Variants in CDYL2 observed in about 807,000 individuals in gnomAD.
The protein encoded by CDYL2 is chromodomain Y-like protein 2.
In CDYL2, 23 loss-of-function variants were observed where a neutral mutation model predicts 49.4. The observed-to-expected ratio is 0.47, with a 90% confidence interval of 0.34 to 0.66. The LOEUF is 0.66. CDYL2 is among the 30% of genes least tolerant of loss of function. The pLI is 0.01. For missense variants in CDYL2, 678 were observed against 656.4 expected, an observed-to-expected ratio of 1.03 and a Z score of -0.36; for synonymous variants, 360 against 268.8, an observed-to-expected ratio of 1.34 and a Z score of -3.32.
At chr16:80,673,655 C>T (rs1909623675) in intron 2 of CDYL2, among the ~76,000 whole-genome samples, 1 of 152,194 alleles carries the variant, frequency 6.6e-6, no homozygotes, top group African/African-American at 2.4e-5. Context: ...TATGCATACC[C>T]TTTCTTCCCC....
intron 1 of CDYL2, 142 bp from the exon 2 acceptor site, chr16:80,685,271 G>A (rs1910145425): frequency 1.5e-6 from 1 of 646,838 alleles, no homozygotes; most frequent in Admixed American, 2.9e-5. Context: ...TTCAATGCCA[G>A]AAGCCAACAC....
intron 1 of CDYL2, among the ~76,000 whole-genome samples, chr16:80,688,273 A>G (rs993351763): frequency 1.3e-5 from 2 of 152,326 alleles, no homozygotes; most frequent in East Asian, 1.9e-4. Flanking sequence ...CCCAATACCA[A>G]TGATGAGCAG....
At chr16:80,648,206 A>G (rs1908434393) in intron 2 of CDYL2, among the ~76,000 whole-genome samples, 1 of 152,266 alleles carries the variant, frequency 6.6e-6, no homozygotes, top group East Asian at 1.9e-4. Context: ...ACAAAAGATG[A>G]ATGAATCAAA....
intron 1 of CDYL2, among the ~76,000 whole-genome samples, chr16:80,706,524 G>A (rs935009665): frequency 1.3e-5 from 2 of 152,192 alleles, no homozygotes; most frequent in African/African-American, 4.8e-5. Context: ...GATCAAATAA[G>A]TTAATGTTTG....
intron 2 of CDYL2, among the ~76,000 whole-genome samples, chr16:80,645,834 A>G (rs958988612): frequency 4.0e-5 from 6 of 151,854 alleles, no homozygotes; most frequent in African/African-American, 1.5e-4. Context: ...TGTCCTTTGT[A>G]GGGACATGGA....
chr16:80,768,776 C>T (rs963265601), intron 1 of CDYL2, among the ~76,000 whole-genome samples: 2 of 152,186 alleles, frequency 1.3e-5, no homozygotes, highest in Non-Finnish European at 2.9e-5. Flanking sequence ...GATCCTGCCT[C>T]CTCCATGCTG....
At chr16:80,710,120 G>A (rs1025427558) in intron 1 of CDYL2, among the ~76,000 whole-genome samples, 3 of 151,982 alleles carry the variant, frequency 2.0e-5, no homozygotes, top group Non-Finnish European at 4.4e-5. Context: ...TACAGACGGG[G>A]ATTTCGCCAT....
chr16:80,642,430 G>A lies in CDYL2; in HGVS notation c.617-9194C>T, dbSNP rs981217133. On this transcript the variant is annotated intron_variant, in intron 2 of 6. Transcript: ENST00000570137. ...GCAGTCTAGCCTGGGTTAACGGAGC[G>A]AGACTCCATCTAAAAAAAATTATAT... Among the ~76,000 whole-genome samples, 7 of 152,214 alleles carry A rather than the reference G, an allele frequency of 4.6e-5. No individual in the cohort carries two copies. The East Asian group carries it at 5.8e-4, about 13-fold the overall frequency.
At chr16:80,661,480 A>C (rs1251735207) in intron 2 of CDYL2, among the ~76,000 whole-genome samples, 1 of 152,002 alleles carries the variant, frequency 6.6e-6, no homozygotes, top group Non-Finnish European at 1.5e-5. Context: ...CCTCATCACG[A>C]CCCTGTAGGA....
At chr16:80,663,576 T>C (rs973351483) in intron 2 of CDYL2, among the ~76,000 whole-genome samples, 4 of 152,152 alleles carry the variant, frequency 2.6e-5, no homozygotes, top group Non-Finnish European at 4.4e-5. Context: ...CTTATGATGT[T>C]CACTGTCAGA....
chr16:80,708,205 C>G lies in CDYL2; in HGVS notation c.25-23076G>C, dbSNP rs9940171. Among the ~76,000 whole-genome samples the G allele has an allele frequency of 5.5e-3, 832 of 152,204 alleles. 6 individuals carry two copies. The highest frequency in any genetic ancestry group is 0.019 in the African/African-American group (793 of 41,510). On this transcript the variant is annotated intron_variant, in intron 1 of 6. Transcript: ENST00000570137. ...TCTTGTCATATGGTTTGGCTGTGTC[C>G]CCACCCAAATCTCACCTTGAATTGT...
At chr16:80,757,112 C>T (rs1291652830) in intron 1 of CDYL2, among the ~76,000 whole-genome samples, 1 of 152,078 alleles carries the variant, frequency 6.6e-6, no homozygotes, top group Non-Finnish European at 1.5e-5. Context: ...GAAATAAGAG[C>T]TTCAATTACC....
At chr16:80,732,618 T>C (rs1361540867) in intron 1 of CDYL2, among the ~76,000 whole-genome samples, 3 of 152,230 alleles carry the variant, frequency 2.0e-5, no homozygotes, top group Non-Finnish European at 4.4e-5. Context: ...TTTTGTACCA[T>C]GAGCATGTTT....
chr16:80,694,205 C>T (rs982219832), intron 1 of CDYL2, among the ~76,000 whole-genome samples: 3 of 152,158 alleles, frequency 2.0e-5, no homozygotes, highest in Admixed American at 1.3e-4. Flanking sequence ...CAAGAGGGTT[C>T]GTACTCCTAT....
intron 1 of CDYL2, among the ~76,000 whole-genome samples, chr16:80,758,071 A>G (rs1906374925): frequency 6.6e-6 from 1 of 152,206 alleles, no homozygotes; most frequent in Admixed American, 6.5e-5. Context: ...AGAATAAGAC[A>G]TTAGATAACT....
intron 5 of CDYL2, among the ~76,000 whole-genome samples, chr16:80,610,088 G>C (rs1194190208): frequency 1.3e-5 from 2 of 152,164 alleles, no homozygotes; most frequent in African/African-American, 4.8e-5. Context: ...TTTTTGTATG[G>C]TTGGTGATGT....
chr16:80,628,710 T>C (rs556116145), intron 3 of CDYL2, among the ~76,000 whole-genome samples: 4 of 152,344 alleles, frequency 2.6e-5, no homozygotes, highest in Admixed American at 1.3e-4. Flanking sequence ...AGAGCTAAAA[T>C]AGCATACTTA....
intron 1 of CDYL2, among the ~76,000 whole-genome samples, chr16:80,739,739 C>T (rs182357889): frequency 6.6e-6 from 1 of 152,136 alleles, no homozygotes; most frequent in Non-Finnish European, 1.5e-5. Context: ...CAGAATGAGT[C>T]ATAGAAGCGC....
intron 1 of CDYL2, among the ~76,000 whole-genome samples, chr16:80,795,532 G>A (rs1403017607): frequency 6.6e-6 from 1 of 152,148 alleles, no homozygotes; most frequent in Non-Finnish European, 1.5e-5. Flanking sequence ...AAGGCTAACT[G>A]CACAACACAG....
Sources: allele counts gnomAD v4.1 joint callset (sites outside exome capture counted in the v4.1 genomes callset), GRCh38; gene constraint gnomAD v4.1.1; transcripts MANE v1.5; gene names NCBI Gene and HGNC (gene_info 2026-07-23, HGNC 2026-07-21).